The following FLII variants were observed in gnomAD, a reference collection of about 807,000 sequenced individuals.
FLII encodes the protein FLII actin remodeling protein, also known as protein flightless-1 homolog.
In FLII, 101 loss-of-function variants were observed where a neutral mutation model predicts 156.2. The observed-to-expected ratio is 0.65, with a 90% CI of 0.55 to 0.76. The LOEUF (loss-of-function observed/expected upper bound fraction) is 0.76. FLII is among the 30% of genes least tolerant of loss of function. The pLI, the probability that FLII is intolerant of heterozygous loss-of-function variation, is 0.00. For missense variants in FLII, 1,675 were observed against 1,682.8 expected, an observed-to-expected ratio of 1.00 and a Z score of 0.08; for synonymous variants, 767 against 685.8, an observed-to-expected ratio of 1.12 and a Z score of -1.85.
intron 6 of FLII, 65 bp from the exon 7 acceptor site, chr17:18,254,247 G>T: frequency 7.5e-7 from 1 of 1,337,406 alleles, no homozygotes; most frequent in Non-Finnish European, 1.0e-6. Flanking sequence ...GTGGGGCTTG[G>T]CAGGGCAGGA....
At position 18,255,217 on chromosome 17, in the gene FLII, T is replaced by C. The variant is rs1004371100; in HGVS notation, c.293A>G (p.Asp98Gly). The C allele has an allele frequency of 6.2e-6, 10 of 1,613,946 alleles. No individual in the cohort carries two copies. The African/African-American group carries it at 1.1e-4, about 17-fold the overall frequency. The change falls in exon 4 of 30, where the codon GAT becomes GGT. Residue 98 changes from aspartate (D) to glycine (G), a missense_variant. Around this residue, in one of 2 missense-constraint regions of FLII, gnomAD observed 343 missense variants for 413.5 expected, o/e 0.83. Coordinates refer to ENST00000327031, the MANE Select transcript of FLII (RefSeq NM_002018.4). ...GAGATCATCTAGCTTGAAGATGTCATCGGGGACTCCGGAATTCTTCAGACT... is the reference window on the plus strand; with the variant it reads ...GAGATCATCTAGCTTGAAGATGTCACCGGGGACTCCGGAATTCTTCAGACT... Reference protein sequence around the residue: ...ANSLKNSGVPDDIFKLDDLSV... With the variant: ...ANSLKNSGVPGDIFKLDDLSV...
At chr17:18,249,820 AC>A (rs1004310332) in intron 14 of FLII, among the ~76,000 whole-genome samples, 4 of 148,552 alleles carry the variant, frequency 2.7e-5, no homozygotes, top group African/African-American at 7.5e-5. Flanking sequence ...ACAAACAACA[AC>A]AAAAAAAACA....
rs1271040310 is a variant in FLII at position 18,256,997 on chromosome 17, A to C, written c.86T>G (p.Val29Gly). The change falls in exon 2 of 30, where the codon GTC becomes GGC. Residue 29 changes from valine (V) to glycine (G), a missense_variant. Coordinates refer to ENST00000327031, the MANE Select transcript of FLII (RefSeq NM_002018.4). ...DFKGGYFPENVKAMTSLRWLK... is the reference protein window; with the variant it reads ...DFKGGYFPENGKAMTSLRWLK... The stretch of plus-strand genomic sequence containing the variant: ...CCACCGCAGGCTGGTCATGGCCTTG[A>C]CATTCTCAGGGAAGTAGCCGCCCTG... 1 of 1,610,056 alleles carries C rather than the reference A, an allele frequency of 6.2e-7. No homozygotes were observed. The highest frequency in any genetic ancestry group is 1.1e-5 in the South Asian group (1 of 90,188).
In FLII at chr17:18,258,424, G is replaced by T. The variant is rs1238999181; in HGVS notation, c.63+204C>A. On this transcript the variant is annotated intron_variant, in intron 1 of 29. Coordinates refer to ENST00000327031, the MANE Select transcript of FLII (RefSeq NM_002018.4). The surrounding 1 kb of genome is among the most constrained non-coding windows in gnomAD (Gnocchi z 4.2). The stretch of plus-strand genomic sequence containing the variant: ...GAGCCCAAGCGTCCGTCCCCGGCCT[G>T]CCCAGCCTCGGTCTCCCCGTACAGG... 6.9e-7 allele frequency: 1 copy of T among 1,456,622 alleles called. No individual in the cohort carries two copies. The highest frequency in any genetic ancestry group is 9.2e-7 in the Non-Finnish European group (1 of 1,091,256). The allele number at this position is 1,456,622 out of a possible 1,614,324, so 90.2% of individuals were successfully genotyped here.
At chr17:18,247,497 T>G in intron 20 of FLII, 140 bp from the exon 21 acceptor site, 2 of 1,051,262 alleles carry the variant, frequency 1.9e-6, no homozygotes, top group Non-Finnish European at 2.7e-6. Flanking sequence ...GAGGTAGGAA[T>G]AGGAGGGGCA....
In FLII at chr17:18,254,826, C is replaced by T. The variant is rs373870219; in HGVS notation, c.356G>A (p.Cys119Tyr). 11 of 1,614,162 alleles carry T rather than the reference C, an allele frequency of 6.8e-6. No individual in the cohort carries two copies. Among genetic ancestry groups the T allele is most frequent in the Non-Finnish European group, 9.3e-6 (11 of 1,180,024 alleles). The change falls in exon 5 of 30, where the codon TGC (cysteine) becomes TAC (tyrosine). Residue 119 changes from cysteine (C) to tyrosine (Y), a missense_variant. By Grantham distance (194) the Cys-to-Tyr change is radical. Coordinates refer to ENST00000327031, the MANE Select transcript of FLII (RefSeq NM_002018.4). ...LDLSHNQLTE[C>Y]PRELENAKNM... ...CTTGGCGTTCTCCAGCTCCCGCGGG[C>T]ACTCTGTCAGCTGGTTGTGGCTCAA...
At chr17:18,247,101 G>C (rs755164075) in intron 21 of FLII, 49 bp from the exon 22 acceptor site, 18 of 1,584,834 alleles carry the variant, frequency 1.1e-5, no homozygotes, top group Admixed American at 3.4e-5. Flanking sequence ...CGCGCTCTGC[G>C]CATAGGCCCC....
At position 18,248,428 on chromosome 17, in the gene FLII, G is replaced by A; in HGVS notation, c.2190+122C>T. On this transcript the variant is annotated intron_variant, in intron 18 of 29. Transcript: ENST00000327031. Reference sequence around the variant, plus strand: ...TCATACTGTTCCTTGTCCAGAAGGTGGCACCCTCTCCCCACCAAAGTCGAG... The same window carrying A: ...TCATACTGTTCCTTGTCCAGAAGGTAGCACCCTCTCCCCACCAAAGTCGAG... 4.6e-6 allele frequency: 4 copies of A among 863,048 alleles called. No individual in the cohort carries two copies. The East Asian group carries it at 1.0e-4, about 22-fold the overall frequency. 53.5% of individuals were successfully genotyped at this position (863,048 alleles called of 1,614,324 possible).
intron 9 of FLII, 76 bp downstream of exon 9, chr17:18,253,225 C>G (rs1050599522): frequency 2.0e-6 from 3 of 1,496,280 alleles, no homozygotes; most frequent in African/African-American, 2.8e-5. Context: ...GCACAGACCA[C>G]AAGGTGGGCT....
intron 14 of FLII, among the ~76,000 whole-genome samples, chr17:18,249,894 G>A (rs947843324): frequency 4.6e-5 from 7 of 152,028 alleles, no homozygotes; most frequent in Non-Finnish European, 7.4e-5. Context: ...CAAGGCGGGT[G>A]GATCACCTAA....
At chr17:18,247,137 C>G (rs568478595) in intron 21 of FLII, 32 bp downstream of exon 21, 90 of 1,141,884 alleles carry the variant, frequency 7.9e-5, no homozygotes, top group Middle Eastern at 6.0e-4. Flanking sequence ...CCCACCCCCC[C>G]CCCCGCGCCC....
Position 18,246,177 on chromosome 17 carries a change from G to C in FLII, c.3252C>G (p.Phe1084Leu), listed in dbSNP as rs376192838. Reference sequence around the variant, plus strand: ...ACAACCCCACCTTGAGGATGAAGCAGAACTCGGAGTTGAGGAGGCTGGAGT... The same window carrying C: ...ACAACCCCACCTTGAGGATGAAGCACAACTCGGAGTTGAGGAGGCTGGAGT... ...NTDSSLLNSE[F>L]CFILKVPFES... Residue 1084 changes from phenylalanine (F) to leucine (L), a missense_variant, in exon 25 of 30, where the codon TTC becomes TTG. By Grantham distance (22) the Phe-to-Leu change is conservative. Coordinates refer to ENST00000327031, the MANE Select transcript of FLII (RefSeq NM_002018.4). 1.2e-6 allele frequency: 2 copies of C among 1,614,168 alleles called. No individual in the cohort carries two copies. The highest frequency in any genetic ancestry group is 1.7e-6 in the Non-Finnish European group (2 of 1,180,052).
chr17:18,253,103 T>C (rs1034624391), intron 9 of FLII, among the ~76,000 whole-genome samples, 198 bp downstream of exon 9: 14 of 152,126 alleles, frequency 9.2e-5, no homozygotes, highest in Non-Finnish European at 1.6e-4. Context: ...TCAGCCGAGA[T>C]TGCACCACTA....
chr17:18,253,841 C>T, intron 7 of FLII, 122 bp from the exon 8 acceptor site: 1 of 1,055,160 alleles, frequency 9.5e-7, no homozygotes, highest in Non-Finnish European at 1.3e-6. Flanking sequence ...GTGACAACTG[C>T]TGTGCGCCCA....
rs372561777 is a variant in FLII at position 18,247,798 on chromosome 17, G to A, written c.2346C>T (p.Ser782=). 2.4e-5 allele frequency: 38 copies of A among 1,612,438 alleles called. No individual in the cohort carries two copies. The highest frequency in any genetic ancestry group is 1.6e-4 in the Middle Eastern group (1 of 6,084). ...TGCGGCCGAGCCAGATGAACACGTCGGACCAACAGTCCAGAATGTACACGC... is the reference window on the plus strand; with the variant it reads ...TGCGGCCGAGCCAGATGAACACGTCAGACCAACAGTCCAGAATGTACACGC... ...TRCVYILDCW[S]DVFIWLGRKS... is the part of the protein sequence containing the mutation. The change falls in exon 20 of 30, where the codon TCC becomes TCT. Residue 782 remains serine (S), a synonymous_variant. Coordinates refer to ENST00000327031, the MANE Select transcript of FLII (RefSeq NM_002018.4).
intron 14 of FLII, 68 bp from the exon 15 acceptor site, chr17:18,249,476 G>A (rs1034668372): frequency 1.6e-6 from 2 of 1,236,250 alleles, no homozygotes; most frequent in African/African-American, 3.0e-5. Context: ...CTGCCCCTCA[G>A]GTGGGGGTAC....
Position 18,249,318 on chromosome 17 carries a change from A to C in FLII, c.1859+8T>G, listed in dbSNP as rs972935657. 10 of 1,613,230 alleles carry C rather than the reference A, an allele frequency of 6.2e-6. No homozygotes were observed. The highest frequency in any genetic ancestry group is 1.3e-5 in the African/African-American group (1 of 74,668). On this transcript the variant is annotated splice_region_variant and intron_variant, in intron 15 of 29. Transcript: ENST00000327031. ...GGTCCATACCCCCCACTGCCCACAC[A>C]CCCTCACCTGGTGACATAGTGTGTG...
In FLII at chr17:18,254,560, A is replaced by G; in HGVS notation, c.536T>C (p.Leu179Pro). Reference protein sequence around the residue: ...QMRRLVHLQTLVLNGNPLLHA... With the variant: ...QMRRLVHLQTPVLNGNPLLHA... ...CAGCAGGGGGTTTCCATTGAGCACGAGCGTCTGCAGGTGCACCAGGCGGCG... is the reference window on the plus strand; with the variant it reads ...CAGCAGGGGGTTTCCATTGAGCACGGGCGTCTGCAGGTGCACCAGGCGGCG... Residue 179 changes from leucine (L) to proline (P), a missense_variant, in exon 6 of 30, where the codon CTC (leucine) becomes CCC (proline). By Grantham distance (98) the Leu-to-Pro change is moderately conservative (BLOSUM62 -3). Transcript: ENST00000327031. The G allele has an allele frequency of 6.2e-7, 1 of 1,613,228 alleles. No individual in the cohort carries two copies. Among genetic ancestry groups the G allele is most frequent in the Non-Finnish European group, 8.5e-7 (1 of 1,179,808 alleles).
At position 18,248,651 on chromosome 17, in the gene FLII, G is replaced by A; in HGVS notation, c.2089C>T (p.Gln697Ter). The change falls in exon 18 of 30, where the codon CAG (glutamine) becomes TAG (stop). Residue 697 changes from glutamine (Q) to a stop codon, truncating the protein, a stop_gained. Transcript: ENST00000327031. LOFTEE classifies it high-confidence loss of function. ...KAEITLLVQG[Q>*]ELPEFWEALG... ...GCCTCCCAGAACTCTGGGAGCTCCT[G>A]GCCCTGCACCAGCAGTGTGATCTCA... The A allele has an allele frequency of 6.2e-7, 1 of 1,613,938 alleles. No homozygotes were observed. The highest frequency in any genetic ancestry group is 8.5e-7 in the Non-Finnish European group (1 of 1,179,932).
Sources: gnomAD v4.1 joint callset for allele counts (sites outside exome capture counted in the v4.1 genomes callset) on GRCh38, gnomAD v4.1.1 for gene constraint, gnomAD v4.1.1 regional missense constraint, Gnocchi (gnomAD v3.1) non-coding constraint, MANE v1.5 for transcripts, NCBI Gene and HGNC (gene_info 2026-07-23, HGNC 2026-07-21) for gene names.